MERTK: variants seen among roughly 807,000 people sequenced by gnomAD.
MERTK encodes tyrosine-protein kinase Mer.
MERTK carries 69 observed loss-of-function variants against 99.3 expected under a neutral mutation model. That is an observed-to-expected ratio of 0.70 (90% CI 0.57 to 0.85). The LOEUF is 0.85. Ranked by LOEUF, MERTK falls within the 40% of genes least tolerant of loss-of-function variation. The pLI is 0.00. For synonymous variants in MERTK, 426 were observed against 467.6 expected, an observed-to-expected ratio of 0.91 and a Z score of 1.15; for missense variants, 1,125 against 1,249.4, an observed-to-expected ratio of 0.90 and a Z score of 1.50.
At chr2:111,975,040 C>G (rs772063590) in intron 6 of MERTK, among the ~76,000 whole-genome samples, 1 of 152,114 alleles carries the variant, frequency 6.6e-6, no homozygotes, top group Non-Finnish European at 1.5e-5. Flanking sequence ...ATTATTTGCT[C>G]CGTTACCTGC....
intron 8 of MERTK, among the ~76,000 whole-genome samples, chr2:111,984,746 A>G (rs776609579): frequency 6.6e-6 from 1 of 152,222 alleles, no homozygotes; most frequent in Non-Finnish European, 1.5e-5. Context: ...GTTTGCTGAT[A>G]TAAGTAACCT....
intron 8 of MERTK, among the ~76,000 whole-genome samples, chr2:111,989,771 T>C (rs942276685): frequency 6.6e-5 from 10 of 152,194 alleles, no homozygotes; most frequent in Non-Finnish European, 1.3e-4. Context: ...AAAAAACAAA[T>C]TGACTTTCCA....
intron 1 of MERTK, 32 bp downstream of exon 1, chr2:111,898,828 G>C: frequency 6.4e-7 from 1 of 1,565,852 alleles, no homozygotes; most frequent in Non-Finnish European, 8.6e-7. Context: ...CCAGGCGAGG[G>C]GGTGGGGGCT....
intron 8 of MERTK, among the ~76,000 whole-genome samples, chr2:111,993,193 C>T (rs1472027199): frequency 6.6e-6 from 1 of 152,050 alleles, no homozygotes; most frequent in Admixed American, 6.6e-5. Flanking sequence ...CATTTCTGGG[C>T]CATGATGTCC....
intron 8 of MERTK, among the ~76,000 whole-genome samples, chr2:111,988,703 T>C (rs1676544753): frequency 6.6e-6 from 1 of 152,330 alleles, no homozygotes; most frequent in South Asian, 2.1e-4. Context: ...CTCAGCACTT[T>C]GGGAGGCCAA....
At chr2:111,924,634 C>G (rs893710311) in intron 1 of MERTK, among the ~76,000 whole-genome samples, 1 of 152,172 alleles carries the variant, frequency 6.6e-6, no homozygotes, top group African/African-American at 2.4e-5. Context: ...CCTTGCTCTC[C>G]CTTGCTCAGA....
At chr2:111,936,464 A>G (rs545765058) in intron 2 of MERTK, among the ~76,000 whole-genome samples, 1 of 152,326 alleles carries the variant, frequency 6.6e-6, no homozygotes, top group South Asian at 2.1e-4. Context: ...AGTTTGGGGT[A>G]TATACAAGGG....
chr2:111,900,413 C>T (rs1439911934), intron 1 of MERTK, among the ~76,000 whole-genome samples: 1 of 152,212 alleles, frequency 6.6e-6, no homozygotes, highest in African/African-American at 2.4e-5. Context: ...TTTCTGCCAG[C>T]CCCATTTTTC....
chr2:112,010,042 T>C lies in MERTK; in HGVS notation c.2055T>C (p.Tyr685=). 1 of 1,612,730 alleles carries C rather than the reference T, an allele frequency of 6.2e-7. No individual in the cohort carries two copies. Among genetic ancestry groups the C allele is most frequent in the Middle Eastern group, 1.7e-4 (1 of 6,056 alleles). Residue 685 remains tyrosine (Y), a synonymous_variant, in exon 15 of 19, where the codon TAT becomes TAC. Transcript: ENST00000295408. ...KYGDLHTYLL[Y]SRLETGPKHI... is the part of the protein sequence containing the mutation. ...GGGACCTGCATACTTACTTACTTTA[T>C]TCCCGATTGGAGACAGGACCAAAGG...
chr2:111,924,375 G>A (rs543788418), intron 1 of MERTK, among the ~76,000 whole-genome samples: 3 of 152,228 alleles, frequency 2.0e-5, no homozygotes, highest in African/African-American at 7.2e-5. Flanking sequence ...TCTCCTTTAT[G>A]CCAGGATCGC....
Position 111,964,043 on chromosome 2 carries a change from C to CTTTTTTTTTTTTTTTTTTTTTTTTTT in MERTK, c.758-1136_758-1135insTTTTTTTTTTTTTTTTTTTTTTTTTT, listed in dbSNP as rs56693776. On this transcript the variant is annotated intron_variant, in intron 4 of 18. Coordinates refer to ENST00000295408, the MANE Select transcript of MERTK (RefSeq NM_006343.3). ...GTTTCTCCACTCAAAAATTTTCTTT[C>CTTTTTTTTTTTTTTTTTTTTTTTTTT]TTTTTTTTTTTTGCTCTTTCCATAA... Among the ~76,000 whole-genome samples the CTTTTTTTTTTTTTTTTTTTTTTTTTT allele has an allele frequency of 4.8e-5, 5 of 103,854 alleles. 1 individual carries two copies. Among genetic ancestry groups the CTTTTTTTTTTTTTTTTTTTTTTTTTT allele is most frequent in the Admixed American group, 1.1e-4 (1 of 9,002 alleles). 68.1% of individuals were successfully genotyped at this position (103,854 alleles called of 152,430 possible).
intron 15 of MERTK, among the ~76,000 whole-genome samples, chr2:112,018,500 A>T (rs57732600): frequency 0.24 from 37,146 of 152,114 alleles, 4,824 homozygotes; most frequent in South Asian, 0.32. Context: ...GTATAAAATC[A>T]TTGAAAATGC....
intron 1 of MERTK, among the ~76,000 whole-genome samples, chr2:111,907,692 A>G (rs905353510): frequency 3.9e-5 from 6 of 152,244 alleles, no homozygotes; most frequent in African/African-American, 1.4e-4. Context: ...AATCTTCAGG[A>G]TCAGGGAGAA....
In MERTK at chr2:111,974,275, C is replaced by CACCTGTGA. The variant is rs111275660; in HGVS notation, c.961-1013_961-1006dup. On this transcript the variant is annotated intron_variant, in intron 6 of 18. Coordinates refer to ENST00000295408, the MANE Select transcript of MERTK (RefSeq NM_006343.3). ...AAAGTTAGCCAGGCGTGGTGGCAGG[C>CACCTGTGA]ACCTGTGATCCCAGCTACTCTGAAG... is the stretch of plus-strand genomic sequence containing the variant. 1.2e-3 allele frequency among the ~76,000 whole-genome samples: 171 copies of CACCTGTGA among 148,394 alleles called. 1 individual carries two copies. The highest frequency in any genetic ancestry group is 4.1e-3 in the African/African-American group (164 of 40,162).
chr2:111,956,293 G>A (rs1685147487), intron 4 of MERTK, among the ~76,000 whole-genome samples: 1 of 152,034 alleles, frequency 6.6e-6, no homozygotes, highest in Non-Finnish European at 1.5e-5. Flanking sequence ...TAAAGCCCTT[G>A]GTACCAGGAT....
intron 2 of MERTK, among the ~76,000 whole-genome samples, chr2:111,937,308 C>T (rs1008473134): frequency 6.6e-6 from 1 of 151,410 alleles, no homozygotes; most frequent in African/African-American, 2.4e-5. Flanking sequence ...AAAAATTAGG[C>T]AGACATGGTG....
intron 4 of MERTK, among the ~76,000 whole-genome samples, chr2:111,957,560 A>G (rs1685173105): frequency 3.3e-5 from 5 of 152,084 alleles, no homozygotes; most frequent in Admixed American, 2.0e-4. Context: ...TCACCTTCTA[A>G]TATATCATAC....
rs563236694 is a variant in MERTK at position 111,971,264 on chromosome 2, C to A, written c.960+3012C>A. Reference sequence around the variant, plus strand: ...AATCTTATTTATCTTTTTGAATAACCAACCTTTGATTTTGTGAATTTTTTT... The same window carrying A: ...AATCTTATTTATCTTTTTGAATAACAAACCTTTGATTTTGTGAATTTTTTT... On this transcript the variant is annotated intron_variant, in intron 6 of 18. Coordinates refer to ENST00000295408, the MANE Select transcript of MERTK (RefSeq NM_006343.3). Among the ~76,000 whole-genome samples, 283 of 151,926 alleles carry A rather than the reference C, an allele frequency of 1.9e-3. 8 individuals are homozygous for A. The South Asian group carries it at 0.058, about 31-fold the overall frequency.
chr2:112,000,510 C>G (rs1050426006), intron 10 of MERTK, among the ~76,000 whole-genome samples: 1 of 152,058 alleles, frequency 6.6e-6, no homozygotes, highest in African/African-American at 2.4e-5. Context: ...GTAGGATGCC[C>G]CTCTATTGCA....
Sources: gnomAD v4.1 joint callset for allele counts (sites outside exome capture counted in the v4.1 genomes callset) on GRCh38, gnomAD v4.1.1 for gene constraint, MANE v1.5 for transcripts, NCBI Gene and HGNC (gene_info 2026-07-23, HGNC 2026-07-21) for gene names.